ANO3: variants seen among roughly 807,000 people sequenced by gnomAD.
The protein encoded by ANO3 is anoctamin-3.
A neutral mutation model predicts 144.8 loss-of-function variants in ANO3; 99 were observed. That is an observed-to-expected ratio of 0.68 (90% CI 0.58 to 0.81). The LOEUF is 0.81. Ranked by LOEUF, ANO3 falls within the 30% of genes least tolerant of loss-of-function variation. ANO3 has a pLI of 0.00. For missense variants in ANO3, 905 were observed against 1,202.2 expected, an observed-to-expected ratio of 0.75 and a Z score of 3.66; for synonymous variants, 414 against 392.6, an observed-to-expected ratio of 1.05 and a Z score of -0.64.
chr11:26,216,520 T>C (rs4620676), intron 1 of ANO3, among the ~76,000 whole-genome samples: 45,892 of 151,866 alleles, frequency 0.3, 7,680 homozygotes, highest in Non-Finnish European at 0.37. Flanking sequence ...ATCCATTCAC[T>C]TGTTAAAGAT....
At chr11:26,333,587 C>CT (rs956880356) in intron 1 of ANO3, among the ~76,000 whole-genome samples, 31 of 152,176 alleles carry the variant, frequency 2.0e-4, no homozygotes, top group African/African-American at 7.2e-4. Flanking sequence ...CGGCCCTTGA[C>CT]TTTTTTGTTT....
intron 14 of ANO3, among the ~76,000 whole-genome samples, chr11:26,594,283 G>C (rs886280836): frequency 1.3e-5 from 2 of 152,184 alleles, no homozygotes; most frequent in Admixed American, 1.3e-4. Context: ...GGCCTGTGGG[G>C]AATCATTCTC....
chr11:26,598,521 C>T, intron 15 of ANO3, 74 bp downstream of exon 15: 1 of 1,049,984 alleles, frequency 9.5e-7, no homozygotes, highest in Non-Finnish European at 1.4e-6. Flanking sequence ...CCCTAGCATT[C>T]CGGCTGGAAG....
At chr11:26,630,665 G>A (rs1335465206) in intron 18 of ANO3, among the ~76,000 whole-genome samples, 6 of 152,096 alleles carry the variant, frequency 3.9e-5, no homozygotes, top group Admixed American at 6.5e-5. Flanking sequence ...GACTTTGAAG[G>A]CATTTAGCCT....
chr11:26,546,128 A>C (rs1451508947), intron 11 of ANO3, among the ~76,000 whole-genome samples: 1 of 151,908 alleles, frequency 6.6e-6, no homozygotes, highest in Non-Finnish European at 1.5e-5. Flanking sequence ...TGTGCTAAAA[A>C]CTTTGCTCCA....
At chr11:26,349,389 T>C (rs566735916) in intron 1 of ANO3, among the ~76,000 whole-genome samples, 2 of 152,332 alleles carry the variant, frequency 1.3e-5, no homozygotes, top group East Asian at 3.9e-4. Flanking sequence ...ATCAAAAATA[T>C]ATAAAAATCA....
At chr11:26,307,498 C>T (rs529024151), upstream of ANO3, among the ~76,000 whole-genome samples, 43 of 151,786 alleles carry the variant, frequency 2.8e-4, no homozygotes, top group African/African-American at 7.0e-4. Context: ...GTCAGGAGTT[C>T]GAGACCAGCC....
At position 26,656,475 on chromosome 11, in the gene ANO3, G is replaced by T; in HGVS notation, c.2757G>T (p.Val919=). Residue 919 remains valine, a synonymous_variant, in exon 26 of 27, where the codon GTG becomes GTT. Transcript: ENST00000256737. The stretch of plus-strand genomic sequence containing the variant: ...CTGCTAGATTGGCCTTCATTATTGT[G>T]TTTGAGGTTAGTCACAAGCTGAGAT... ...ILAARLAFII[V]FEHLVFGIKS... 1 of 1,589,758 alleles carries T rather than the reference G, an allele frequency of 6.3e-7. No individual in the cohort carries two copies. Among genetic ancestry groups the T allele is most frequent in the South Asian group, 1.1e-5 (1 of 90,354 alleles).
intron 3 of ANO3, among the ~76,000 whole-genome samples, chr11:26,455,880 A>G (rs2134046180): frequency 6.6e-6 from 1 of 151,984 alleles, no homozygotes; most frequent in African/African-American, 2.4e-5. Context: ...ACAGAGATAT[A>G]GATCAATGGA....
At chr11:26,205,234 C>A (rs1382580383) in intron 1 of ANO3, among the ~76,000 whole-genome samples, 1 of 152,098 alleles carries the variant, frequency 6.6e-6, no homozygotes, top group Non-Finnish European at 1.5e-5. Context: ...CAGAGCCGAA[C>A]CATACTGTTT....
intron 17 of ANO3, among the ~76,000 whole-genome samples, chr11:26,613,686 T>G (rs1852165800): frequency 6.6e-6 from 1 of 152,376 alleles, no homozygotes; most frequent in East Asian, 1.9e-4. Flanking sequence ...GAGCTTTGGC[T>G]TTGGTTCTGA....
chr11:26,324,216 G>A (rs1854829840), intron 1 of ANO3, among the ~76,000 whole-genome samples: 1 of 152,178 alleles, frequency 6.6e-6, no homozygotes, highest in Non-Finnish European at 1.5e-5. Context: ...GCTGTTCATA[G>A]GTAACTTTGA....
intron 1 of ANO3, among the ~76,000 whole-genome samples, chr11:26,371,500 A>G (rs1856255625): frequency 6.6e-6 from 1 of 152,162 alleles, no homozygotes. Context: ...GAGGACCATC[A>G]TCATCATCCT....
chr11:26,345,952 T>A (rs558691702), intron 1 of ANO3, among the ~76,000 whole-genome samples: 1 of 152,244 alleles, frequency 6.6e-6, no homozygotes, highest in Admixed American at 6.5e-5. Flanking sequence ...AATATGGCTG[T>A]ATAACTTGTT....
At chr11:26,461,319 A>G (rs1055633037) in intron 3 of ANO3, among the ~76,000 whole-genome samples, 23 of 152,038 alleles carry the variant, frequency 1.5e-4, no homozygotes, top group African/African-American at 5.1e-4. Flanking sequence ...CAGATTGTGC[A>G]TTTTAAAGTT....
chr11:26,333,108 C>A (rs868244190), intron 1 of ANO3, among the ~76,000 whole-genome samples: 1 of 152,092 alleles, frequency 6.6e-6, no homozygotes, highest in African/African-American at 2.4e-5. Flanking sequence ...TGCCACTTTG[C>A]TGAATTAATA....
intron 1 of ANO3, among the ~76,000 whole-genome samples, chr11:26,288,558 C>T (rs190533770): frequency 6.6e-6 from 1 of 152,166 alleles, no homozygotes; most frequent in Non-Finnish European, 1.5e-5. Context: ...ATAATGAACA[C>T]AAACTGGGGT....
At chr11:26,601,954 A>G (rs957774615) in intron 17 of ANO3, among the ~76,000 whole-genome samples, 5 of 152,184 alleles carry the variant, frequency 3.3e-5, no homozygotes, top group Non-Finnish European at 7.3e-5. Context: ...GTGGGGAAAG[A>G]GAATTGAAGA....
chr11:26,377,213 A>G (rs1412406354), intron 1 of ANO3, among the ~76,000 whole-genome samples: 1 of 152,164 alleles, frequency 6.6e-6, no homozygotes, highest in African/African-American at 2.4e-5. Context: ...ATAACAATAC[A>G]CACAATGTAT....
Sources: allele counts gnomAD v4.1 joint callset (sites outside exome capture counted in the v4.1 genomes callset), GRCh38; gene constraint gnomAD v4.1.1; transcripts MANE v1.5; gene names NCBI Gene and HGNC (gene_info 2026-07-23, HGNC 2026-07-21).